Variants in KCNT2 observed in about 807,000 individuals in gnomAD.
KCNT2 encodes potassium channel subfamily T member 2.
KCNT2 carries 67 observed loss-of-function variants against 153.8 expected under a neutral mutation model. The observed-to-expected ratio is 0.44, with a 90% CI of 0.36 to 0.53. The LOEUF (loss-of-function observed/expected upper bound fraction) is 0.53, where lower values mean the gene tolerates loss of function less well. Among genes scored for constraint, KCNT2 ranks in the 20% least tolerant of loss-of-function variants. The probability of loss-of-function intolerance (pLI) is 0.00; values close to 1 mark genes in which losing one functional copy is unlikely to be tolerated. For synonymous variants in KCNT2, 500 were observed against 458.8 expected (o/e 1.09, Z -1.15); for missense variants, 975 against 1,354.8 (o/e 0.72, Z 4.40).
intron 26 of KCNT2, among the ~76,000 whole-genome samples, chr1:196,256,086 C>A (rs1656458624): frequency 1.3e-5 from 2 of 151,930 alleles, no homozygotes; most frequent in Non-Finnish European, 2.9e-5. Flanking sequence ...TAAGCATAAA[C>A]ACAAGTATAA....
At chr1:196,488,653 T>C (rs1679620327) in intron 3 of KCNT2, among the ~76,000 whole-genome samples, 1 of 152,016 alleles carries the variant, frequency 6.6e-6, no homozygotes, top group African/African-American at 2.4e-5. Context: ...TAGAATAATT[T>C]GTTACATGAA....
chr1:196,437,805 T>C (rs1357888747), intron 8 of KCNT2, among the ~76,000 whole-genome samples: 1 of 151,458 alleles, frequency 6.6e-6, no homozygotes, highest in Non-Finnish European at 1.5e-5. Context: ...GTCACATTTA[T>C]TCATACAAAT....
chr1:196,357,236 T>C (rs866048771), intron 14 of KCNT2, among the ~76,000 whole-genome samples: 1 of 151,902 alleles, frequency 6.6e-6, no homozygotes, highest in Non-Finnish European at 1.5e-5. Flanking sequence ...TGCAATAGAG[T>C]TCATTGAGAG....
At chr1:196,352,501 T>C (rs1666808033) in intron 14 of KCNT2, among the ~76,000 whole-genome samples, 1 of 152,172 alleles carries the variant, frequency 6.6e-6, no homozygotes. Context: ...ACAGAGGTGT[T>C]TGTAGTATTC....
chr1:196,474,907 A>G (rs1283930776), intron 5 of KCNT2, among the ~76,000 whole-genome samples: 4 of 152,312 alleles, frequency 2.6e-5, no homozygotes, highest in African/African-American at 9.6e-5. Flanking sequence ...AGTTCATGTC[A>G]TGGATGCTAA....
chr1:196,340,674 C>G (rs1323145879), intron 15 of KCNT2, 104 bp from the exon 16 acceptor site: 6 of 695,054 alleles, frequency 8.6e-6, no homozygotes, highest in Non-Finnish European at 1.4e-5. Context: ...TTGAAATGAT[C>G]CTAGAAGTTC....
chr1:196,379,948 C>A (rs759312545), intron 13 of KCNT2, among the ~76,000 whole-genome samples: 3 of 152,162 alleles, frequency 2.0e-5, no homozygotes, highest in Non-Finnish European at 2.9e-5. Context: ...TCATCACAAT[C>A]CTGCGTTATT....
intron 16 of KCNT2, among the ~76,000 whole-genome samples, chr1:196,338,410 T>G (rs367962429): frequency 1.3e-5 from 2 of 152,072 alleles, no homozygotes; most frequent in East Asian, 3.9e-4. Flanking sequence ...TAATTTATTT[T>G]CTAAACTAGG....
At chr1:196,268,935 A>G (rs886070353) in intron 25 of KCNT2, among the ~76,000 whole-genome samples, 1 of 152,130 alleles carries the variant, frequency 6.6e-6, no homozygotes, top group Non-Finnish European at 1.5e-5. Context: ...TCTCCTCAGA[A>G]CTATATCCAG....
chr1:196,292,540 C>A (rs992063931), intron 22 of KCNT2, among the ~76,000 whole-genome samples: 2 of 152,232 alleles, frequency 1.3e-5, no homozygotes, highest in Non-Finnish European at 2.9e-5. Flanking sequence ...GGCGCAGTGG[C>A]TCACGCCTGT....
intron 1 of KCNT2, among the ~76,000 whole-genome samples, chr1:196,585,146 C>T (rs1365866639): frequency 1.3e-5 from 2 of 151,976 alleles, no homozygotes; most frequent in African/African-American, 2.4e-5. Flanking sequence ...AATGACAACT[C>T]AAGGGAGTAG....
chr1:196,350,184 T>A (rs1249273761), intron 14 of KCNT2, among the ~76,000 whole-genome samples: 1 of 152,180 alleles, frequency 6.6e-6, no homozygotes, highest in Non-Finnish European at 1.5e-5. Flanking sequence ...CATGTGTCTT[T>A]ATAGCAGCAT....
rs141689620 is a variant in KCNT2 at position 196,377,952 on chromosome 1, T to C, written c.1295-4704A>G. Among the ~76,000 whole-genome samples, 840 of 152,166 alleles carry C rather than the reference T, an allele frequency of 5.5e-3. 4 individuals carry two copies. Among genetic ancestry groups the C allele is most frequent in the Non-Finnish European group, 7.8e-3 (530 of 67,994 alleles). On this transcript the variant is annotated intron_variant, in intron 13 of 27. Coordinates refer to ENST00000294725, the MANE Select transcript of KCNT2 (RefSeq NM_198503.5). ...TCCACCATTGCAAGAAAGATGGTGA[T>C]ATGGACAGGGCAACAAAATCCAGTA...
rs780706202 is a variant in KCNT2, at chr1:196,426,002, A to C, written c.985-14T>G. 1.4e-5 allele frequency: 22 copies of C among 1,606,478 alleles called. No homozygotes were observed. Among genetic ancestry groups the C allele is most frequent in the Non-Finnish European group, 6.0e-6 (7 of 1,174,838 alleles). ...CACATAATAATCCTATTCAAAACAA[A>C]ATGGGCAATGGAATAGAAACAAAAA... On this transcript the variant is annotated splice_polypyrimidine_tract_variant and intron_variant, in intron 10 of 27. Transcript: ENST00000294725.
chr1:196,449,958 C>T (rs1676013634), intron 8 of KCNT2, among the ~76,000 whole-genome samples: 1 of 151,668 alleles, frequency 6.6e-6, no homozygotes, highest in African/African-American at 2.4e-5. Flanking sequence ...AAAGCTCTGA[C>T]GTTGACTATG....
At chr1:196,241,052 G>A (rs539130037) in intron 26 of KCNT2, among the ~76,000 whole-genome samples, 2 of 152,038 alleles carry the variant, frequency 1.3e-5, no homozygotes, top group South Asian at 4.2e-4. Flanking sequence ...AGGAGAGAGA[G>A]AGAGAAAGGA....
At chr1:196,480,707 G>GAT (rs1252819154) in intron 4 of KCNT2, among the ~76,000 whole-genome samples, 1 of 151,224 alleles carries the variant, frequency 6.6e-6, no homozygotes, top group Non-Finnish European at 1.5e-5. Context: ...TACAAAAAAA[G>GAT]TAGCCGGGCG....
intron 25 of KCNT2, among the ~76,000 whole-genome samples, chr1:196,268,747 A>T (rs1657778639): frequency 6.6e-6 from 1 of 152,034 alleles, no homozygotes; most frequent in Non-Finnish European, 1.5e-5. Context: ...AACATGATAA[A>T]GGCCAAAACA....
intron 13 of KCNT2, among the ~76,000 whole-genome samples, chr1:196,390,763 G>A (rs1391155419): frequency 6.6e-6 from 1 of 151,192 alleles, no homozygotes; most frequent in African/African-American, 2.4e-5. Flanking sequence ...ATGTATTTGT[G>A]TATGTGTATG....
Sources: allele counts gnomAD v4.1 joint callset (sites outside exome capture counted in the v4.1 genomes callset), GRCh38; gene constraint gnomAD v4.1.1; transcripts MANE v1.5; gene names NCBI Gene and HGNC (gene_info 2026-07-23, HGNC 2026-07-21).